CSMD1: variants seen among roughly 807,000 people sequenced by gnomAD.
CSMD1 encodes the protein CUB and sushi domain-containing protein 1.
CSMD1 carries 213 observed loss-of-function variants against 417.5 expected under a neutral mutation model. The observed-to-expected ratio is 0.51, with a 90% CI of 0.46 to 0.57. CSMD1 has a LOEUF of 0.57. Among genes scored for constraint, CSMD1 ranks in the 20% least tolerant of loss-of-function variants. The pLI is 0.00. For synonymous variants in CSMD1, 2,862 were observed against 1,736.8 expected (o/e 1.65, Z -16.11); for missense variants, 6,923 against 4,529.7 (o/e 1.53, Z -15.17).
intron 5 of CSMD1, among the ~76,000 whole-genome samples, chr8:3,955,311 T>G (rs959968074): frequency 8.5e-5 from 13 of 152,198 alleles, no homozygotes; most frequent in Admixed American, 7.9e-4. Flanking sequence ...ACATCCAGTG[T>G]GTTCTTGGTG....
At chr8:4,885,543 G>C (rs948841852) in intron 1 of CSMD1, among the ~76,000 whole-genome samples, 1 of 151,970 alleles carries the variant, frequency 6.6e-6, no homozygotes, top group African/African-American at 2.4e-5. Context: ...ATGAGGAGGT[G>C]TTGGATTTTG....
chr8:3,546,664 A>G (rs926433965), intron 10 of CSMD1, among the ~76,000 whole-genome samples: 7 of 152,238 alleles, frequency 4.6e-5, no homozygotes, highest in Non-Finnish European at 8.8e-5. Context: ...TTACTCATCA[A>G]TGGGTAAAGA....
chr8:4,566,569 C>T (rs1190624504), intron 2 of CSMD1, among the ~76,000 whole-genome samples: 1 of 136,696 alleles, frequency 7.3e-6, no homozygotes, highest in African/African-American at 2.7e-5. Context: ...AGGAGAGTGG[C>T]GTGAACCCAG....
rs183488217 is a variant in CSMD1 at position 3,952,400 on chromosome 8, T to C, written c.818+45503A>G. Among the ~76,000 whole-genome samples, 282 of 152,368 alleles carry C rather than the reference T, an allele frequency of 1.9e-3. 1 individual carries two copies. Among genetic ancestry groups the C allele is most frequent in the Admixed American group, 7.1e-3 (108 of 15,298 alleles). ...ATTTAATTCTACTTAGTTTCTTCAT[T>C]AAAAATATGTATGTTGATATGTAAA... On this transcript the variant is annotated intron_variant, in intron 5 of 69. Coordinates refer to ENST00000635120, the MANE Select transcript of CSMD1 (RefSeq NM_033225.6).
At chr8:4,153,041 G>A (rs1204869520) in intron 3 of CSMD1, among the ~76,000 whole-genome samples, 2 of 152,106 alleles carry the variant, frequency 1.3e-5, no homozygotes, top group East Asian at 3.9e-4. Flanking sequence ...AAAATGACTT[G>A]TAACGTGTTA....
chr8:4,718,534 A>G (rs533198678), intron 1 of CSMD1, among the ~76,000 whole-genome samples: 8 of 152,152 alleles, frequency 5.3e-5, no homozygotes, highest in Middle Eastern at 3.2e-3. Context: ...ATTAAGTACT[A>G]GCTAAGGGAA....
chr8:4,704,128 G>A (rs1158623132), intron 1 of CSMD1, among the ~76,000 whole-genome samples: 1 of 152,202 alleles, frequency 6.6e-6, no homozygotes, highest in Admixed American at 6.5e-5. Context: ...ATCCAAGGCA[G>A]GTGGGGACCC....
At chr8:4,818,055 T>C (rs1005654257) in intron 1 of CSMD1, among the ~76,000 whole-genome samples, 1 of 152,162 alleles carries the variant, frequency 6.6e-6, no homozygotes, top group Non-Finnish European at 1.5e-5. Context: ...TATATATGAA[T>C]TGCAAGGTAA....
At chr8:4,144,961 C>T (rs1804022134) in intron 3 of CSMD1, among the ~76,000 whole-genome samples, 1 of 150,948 alleles carries the variant, frequency 6.6e-6, no homozygotes, top group African/African-American at 2.5e-5. Context: ...AACTTGAAAA[C>T]AGAAGGGAGG....
At chr8:4,675,529 A>T (rs1487498484) in intron 1 of CSMD1, among the ~76,000 whole-genome samples, 1 of 152,296 alleles carries the variant, frequency 6.6e-6, no homozygotes, top group Non-Finnish European at 1.5e-5. Flanking sequence ...TGGAGGGACA[A>T]GTTCTGAGAA....
At position 4,470,470 on chromosome 8, in the gene CSMD1, C is replaced by T. The variant is rs185517859; in HGVS notation, c.303-50405G>A. Among the ~76,000 whole-genome samples, 148 of 152,302 alleles carry T rather than the reference C, an allele frequency of 9.7e-4. 3 individuals are homozygous for T. In the East Asian group the frequency reaches 0.017, roughly 17 times the overall value. On this transcript the variant is annotated intron_variant, in intron 2 of 69. Coordinates refer to ENST00000635120, the MANE Select transcript of CSMD1 (RefSeq NM_033225.6). ...GACAGGTTGGGGTCATGGTCGGCAG[C>T]TCAATGCTTAACTGGAAGGATAAGT...
rs138338540 is a variant in CSMD1, at chr8:4,199,896, G to C, written c.416-167797C>G. 1.3e-3 allele frequency among the ~76,000 whole-genome samples: 191 copies of C among 152,182 alleles called. 3 individuals carry two copies. The highest frequency in any genetic ancestry group is 4.4e-3 in the African/African-American group (183 of 41,516). ...CAATATTTTTAGGCCCTTAGTGGAA[G>C]ACAAGTCATACATTTTGTGGTGAAG... is the stretch of plus-strand genomic sequence containing the variant. On this transcript the variant is annotated intron_variant, in intron 3 of 69. Coordinates refer to ENST00000635120, the MANE Select transcript of CSMD1 (RefSeq NM_033225.6).
At chr8:3,775,479 G>T (rs7829156) in intron 5 of CSMD1, among the ~76,000 whole-genome samples, 1 of 152,126 alleles carries the variant, frequency 6.6e-6, no homozygotes, top group Non-Finnish European at 1.5e-5. Context: ...CTCATGAAAA[G>T]GACACGGGGT....
chr8:3,315,614 A>C (rs925596273), intron 23 of CSMD1, among the ~76,000 whole-genome samples: 1 of 148,952 alleles, frequency 6.7e-6, no homozygotes, highest in Non-Finnish European at 1.5e-5. Context: ...TTGTAATCCT[A>C]TGAGCAGCCC....
intron 3 of CSMD1, among the ~76,000 whole-genome samples, chr8:4,064,854 CTG>C (rs1175491797): frequency 1.3e-5 from 2 of 151,888 alleles, no homozygotes; most frequent in East Asian, 3.9e-4. Flanking sequence ...TGTAAGTGTA[CTG>C]TGTTTGTAAT....
At chr8:3,384,955 A>C (rs1810898138) in intron 18 of CSMD1, among the ~76,000 whole-genome samples, 1 of 83,366 alleles carries the variant, frequency 1.2e-5, no homozygotes, top group Non-Finnish European at 2.2e-5. Context: ...TGCATATATA[A>C]TATATAATAT....
At chr8:3,492,134 T>G (rs1285165541) in intron 11 of CSMD1, among the ~76,000 whole-genome samples, 1 of 152,202 alleles carries the variant, frequency 6.6e-6, no homozygotes, top group East Asian at 1.9e-4. Flanking sequence ...CTTAAGATCT[T>G]TAACCTATTG....
At chr8:3,510,014 C>A (rs778335302) in intron 10 of CSMD1, among the ~76,000 whole-genome samples, 1 of 152,200 alleles carries the variant, frequency 6.6e-6, no homozygotes, top group Non-Finnish European at 1.5e-5. Context: ...TTGACGTATA[C>A]AAGTCGCGTA....
chr8:3,531,675 T>C (rs75595214), intron 10 of CSMD1, among the ~76,000 whole-genome samples: 5,031 of 152,256 alleles, frequency 0.033, 118 homozygotes, highest in Middle Eastern at 0.065. Context: ...TTTATGCAGA[T>C]AATGAGGGCA....
Sources: gnomAD v4.1 joint callset for allele counts (sites outside exome capture counted in the v4.1 genomes callset) on GRCh38, gnomAD v4.1.1 for gene constraint, MANE v1.5 for transcripts, NCBI Gene and HGNC (gene_info 2026-07-23, HGNC 2026-07-21) for gene names.